RGS6: variants seen among roughly 807,000 people sequenced by gnomAD.
RGS6 encodes regulator of G protein signaling 6.
RGS6 carries 30 observed loss-of-function variants against 78.5 expected under a neutral mutation model. The ratio of observed to expected loss-of-function variants is 0.38; its 90% CI spans 0.29 to 0.52. The LOEUF (loss-of-function observed/expected upper bound fraction) is 0.52, where lower values mean the gene tolerates loss of function less well. Ranked by LOEUF, RGS6 falls within the 20% of genes least tolerant of loss-of-function variation. The pLI is 0.85. For missense variants in RGS6, 495 were observed against 609.7 expected (o/e 0.81, Z 1.98); for synonymous variants, 206 against 206.0 (o/e 1.00, Z 0.00).
At chr14:72,208,539 C>G (rs79590754) in intron 2 of RGS6, among the ~76,000 whole-genome samples, 6,915 of 152,294 alleles carry the variant, frequency 0.045, 347 homozygotes, top group African/African-American at 0.12. Context: ...ATTGATCTCT[C>G]TGCTGCATGA....
chr14:72,452,406 G>C (rs1439476912), intron 3 of RGS6, among the ~76,000 whole-genome samples: 1 of 152,202 alleles, frequency 6.6e-6, no homozygotes, highest in African/African-American at 2.4e-5. Flanking sequence ...CGGCAGAACT[G>C]GGGCACACAG....
chr14:72,152,520 G>C (rs1470177365), intron 2 of RGS6, among the ~76,000 whole-genome samples: 1 of 152,152 alleles, frequency 6.6e-6, no homozygotes, highest in Non-Finnish European at 1.5e-5. Context: ...TAGGGTTTCT[G>C]GCTTCCTGTG....
the RGS6 span, among the ~76,000 whole-genome samples, chr14:72,612,069 G>A: frequency 6.6e-6 from 1 of 152,116 alleles, no homozygotes; most frequent in Admixed American, 6.5e-5. Context: ...TTTTAATTTA[G>A]CCAGTAACAG....
chr14:72,420,332 C>T (rs1034719372), intron 3 of RGS6, among the ~76,000 whole-genome samples: 2 of 152,160 alleles, frequency 1.3e-5, no homozygotes, highest in African/African-American at 4.8e-5. Context: ...AATAAGCACC[C>T]ACTTTACATT....
At chr14:72,171,245 A>G (rs2153682879) in intron 2 of RGS6, among the ~76,000 whole-genome samples, 1 of 152,168 alleles carries the variant, frequency 6.6e-6, no homozygotes, top group South Asian at 2.1e-4. Context: ...CAAGAGGCAC[A>G]TGTACACATG....
intron 9 of RGS6, chr14:72,474,201 T>G (rs1433599995): frequency 6.5e-6 from 1 of 153,852 alleles, no homozygotes; most frequent in African/African-American, 2.4e-5. Flanking sequence ...AAAACAAATC[T>G]TGCATTTTCC....
the RGS6 span, among the ~76,000 whole-genome samples, chr14:71,873,123 G>A: frequency 6.6e-6 from 1 of 152,148 alleles, no homozygotes; most frequent in East Asian, 1.9e-4. Context: ...TGTCTTTATA[G>A]TAGCATGATT....
intron 13 of RGS6, among the ~76,000 whole-genome samples, chr14:72,506,614 A>G (rs561722673): frequency 6.6e-6 from 1 of 152,336 alleles, no homozygotes; most frequent in South Asian, 2.1e-4. Context: ...GTGAAATCGT[A>G]CTAGGAAAAT....
chr14:71,980,626 G>T lies in RGS6; in HGVS notation c.84+15751G>T, dbSNP rs2094400297. On this transcript the variant is annotated intron_variant, in intron 2 of 17. Coordinates refer to ENST00000553525, the MANE Select transcript of RGS6 (RefSeq NM_001204424.2). ...CTGGCTTGTAGGGTTTCTGCTGAGA[G>T]ATCCGGTGTTAGTCTGATGGGCTTC... Among the ~76,000 whole-genome samples the T allele has an allele frequency of 5.0e-5, 4 of 80,336 alleles. 1 individual carries two copies. In the South Asian group the frequency reaches 2.0e-3, roughly 40 times the overall value. The allele number at this position is 80,336 out of a possible 152,430, so 52.7% of individuals were successfully genotyped here. A position where few individuals can be genotyped will look rare whatever the true frequency, so the allele number is the denominator to read the frequency against.
intron 2 of RGS6, among the ~76,000 whole-genome samples, chr14:71,987,652 T>A (rs1025179583): frequency 1.3e-5 from 2 of 152,112 alleles, no homozygotes; most frequent in Admixed American, 6.6e-5. Flanking sequence ...TTCCCATAGC[T>A]GGGACTACAG....
At chr14:72,287,868 C>T (rs2062869746) in intron 2 of RGS6, among the ~76,000 whole-genome samples, 1 of 152,154 alleles carries the variant, frequency 6.6e-6, no homozygotes, top group Non-Finnish European at 1.5e-5. Flanking sequence ...TGATTTTTGT[C>T]CTTCATTCTG....
At chr14:71,913,677 T>C in the RGS6 span, among the ~76,000 whole-genome samples, 2 of 152,216 alleles carry the variant, frequency 1.3e-5, no homozygotes, top group Non-Finnish European at 2.9e-5. Context: ...GGAACAATTT[T>C]TTATTGCTGA....
intron 10 of RGS6, among the ~76,000 whole-genome samples, chr14:72,476,095 T>G (rs541835102): frequency 1.1e-4 from 16 of 152,362 alleles, no homozygotes; most frequent in Non-Finnish European, 2.1e-4. Context: ...GTTTCATTTC[T>G]TTCCCATTGC....
At chr14:72,188,741 A>C (rs951971355) in intron 2 of RGS6, among the ~76,000 whole-genome samples, 4 of 152,122 alleles carry the variant, frequency 2.6e-5, no homozygotes, top group African/African-American at 9.7e-5. Context: ...AAGCGGTAAA[A>C]ACTTTGTTCC....
intron 3 of RGS6, among the ~76,000 whole-genome samples, chr14:72,445,822 T>C (rs1457794587): frequency 1.3e-5 from 2 of 152,200 alleles, no homozygotes; most frequent in Non-Finnish European, 2.9e-5. Context: ...AATTATGTTC[T>C]CTCAAAAATT....
At chr14:72,007,868 T>C (rs1395992182) in intron 2 of RGS6, among the ~76,000 whole-genome samples, 1 of 152,140 alleles carries the variant, frequency 6.6e-6, no homozygotes, top group African/African-American at 2.4e-5. Context: ...GGGGTTGTGC[T>C]TGAAGAAACA....
At chr14:71,945,813 A>G (rs934678835) in intron 1 of RGS6, among the ~76,000 whole-genome samples, 1 of 152,222 alleles carries the variant, frequency 6.6e-6, no homozygotes, top group African/African-American at 2.4e-5. Context: ...ATTCATTTAA[A>G]AATTATTAAC....
chr14:72,571,385 G>A (rs911541393), downstream of RGS6, among the ~76,000 whole-genome samples: 1 of 152,102 alleles, frequency 6.6e-6, no homozygotes, highest in Non-Finnish European at 1.5e-5. Context: ...GTGCTGAAAG[G>A]TGGGCATAAA....
intron 2 of RGS6, among the ~76,000 whole-genome samples, chr14:71,966,439 A>G (rs906447386): frequency 5.9e-5 from 9 of 152,260 alleles, no homozygotes; most frequent in African/African-American, 2.2e-4. Context: ...CTCAGCAATT[A>G]GTGAAACATA....
Sources: allele counts gnomAD v4.1 joint callset (sites outside exome capture counted in the v4.1 genomes callset), GRCh38; gene constraint gnomAD v4.1.1; transcripts MANE v1.5; gene names NCBI Gene and HGNC (gene_info 2026-07-23, HGNC 2026-07-21).